MAPK14: variants seen among roughly 807,000 people sequenced by gnomAD.
The protein encoded by MAPK14 is CSAID-binding protein.
A neutral mutation model predicts 49.6 loss-of-function variants in MAPK14; 16 were observed. The ratio of observed to expected loss-of-function variants is 0.32; its 90% CI spans 0.22 to 0.49. The LOEUF is 0.49. Ranked by LOEUF, MAPK14 falls within the 20% of genes least tolerant of loss-of-function variation. The pLI, the probability that MAPK14 is intolerant of heterozygous loss-of-function variation, is 0.99. For missense variants in MAPK14, 200 were observed against 441.2 expected, an observed-to-expected ratio of 0.45 and a Z score of 4.90; for synonymous variants, 142 against 158.0, an observed-to-expected ratio of 0.90 and a Z score of 0.76.
chr6:36,102,737 C>A, intron 10 of MAPK14, 88 bp downstream of exon 10: 4 of 1,588,506 alleles, frequency 2.5e-6, no homozygotes, highest in South Asian at 2.3e-5. Flanking sequence ...TCCTTTTGAC[C>A]AAATAAAGTA....
At chr6:36,070,347 CTT>C (rs1237267936) in intron 3 of MAPK14, among the ~76,000 whole-genome samples, 1 of 152,172 alleles carries the variant, frequency 6.6e-6, no homozygotes, top group Non-Finnish European at 1.5e-5. Flanking sequence ...CATTACTACT[CTT>C]TTTGACCTTG....
intron 8 of MAPK14, among the ~76,000 whole-genome samples, 194 bp from the exon 9 acceptor site, chr6:36,095,793 A>G (rs1765422135): frequency 6.6e-6 from 1 of 151,886 alleles, no homozygotes. Flanking sequence ...ATCTTTGTAC[A>G]GGAGGAGCAT....
chr6:36,102,028 T>G (rs1423888416), intron 9 of MAPK14, among the ~76,000 whole-genome samples: 2 of 152,236 alleles, frequency 1.3e-5, no homozygotes, highest in Non-Finnish European at 2.9e-5. Flanking sequence ...GTTTGTTATC[T>G]CTAATCTTCA....
intron 8 of MAPK14, among the ~76,000 whole-genome samples, chr6:36,092,827 C>G (rs551904838): frequency 2.6e-5 from 4 of 152,204 alleles, no homozygotes; most frequent in Admixed American, 2.0e-4. Flanking sequence ...CTCATCTTTT[C>G]AAGTCAACTA....
intron 1 of MAPK14, among the ~76,000 whole-genome samples, chr6:36,047,717 G>A (rs534097772): frequency 6.6e-6 from 1 of 151,376 alleles, no homozygotes; most frequent in South Asian, 2.1e-4. Context: ...AGCTGGGCAT[G>A]GTGGCCCATG....
the MAPK14 span, among the ~76,000 whole-genome samples, chr6:36,123,635 T>TGCCAGGGGGCTCAGC: frequency 4.6e-5 from 7 of 152,210 alleles, no homozygotes; most frequent in Non-Finnish European, 8.8e-5. Flanking sequence ...CCAGGCACAG[T>TGCCAGGGGGCTCAGC]GCCAGGGGGC....
intron 9 of MAPK14, among the ~76,000 whole-genome samples, chr6:36,101,801 C>T (rs1253408739): frequency 1.3e-5 from 2 of 152,178 alleles, no homozygotes; most frequent in African/African-American, 2.4e-5. Flanking sequence ...CGTGAGTCAC[C>T]GTGCCTGGGC....
chr6:36,098,089 G>T (rs1444570043), intron 9 of MAPK14: 2 of 151,880 alleles, frequency 1.3e-5, no homozygotes, highest in African/African-American at 4.8e-5. Flanking sequence ...GAGTAAAATT[G>T]TTCAGAGATT....
At chr6:36,043,287 G>A (rs1312992578) in intron 1 of MAPK14, among the ~76,000 whole-genome samples, 1 of 152,156 alleles carries the variant, frequency 6.6e-6, no homozygotes, top group Non-Finnish European at 1.5e-5. Context: ...TAAATTTTGA[G>A]TTTTTAAAGT....
At position 36,028,113 on chromosome 6, in the gene MAPK14, G is replaced by A. The variant is rs1581714941; in HGVS notation, c.-45G>A. On this transcript the variant is annotated 5_prime_UTR_variant, in exon 1 of 12. Transcript: ENST00000229794. The surrounding 1 kb of genome is among the most constrained non-coding windows in gnomAD (Gnocchi z 5.1). ...GGGGAGAGGGTGCGGGTGCAGGCGGGGGCCCCACAGGGCCACCTTCTTGCC... is the reference window on the plus strand; with the variant it reads ...GGGGAGAGGGTGCGGGTGCAGGCGGAGGCCCCACAGGGCCACCTTCTTGCC... 2.2e-6 allele frequency: 3 copies of A among 1,368,268 alleles called. No individual in the cohort carries two copies. The highest frequency in any genetic ancestry group is 3.1e-6 in the Non-Finnish European group (3 of 971,786). The allele number at this position is 1,368,268 out of a possible 1,614,324, so 84.8% of individuals were successfully genotyped here.
intron 3 of MAPK14, among the ~76,000 whole-genome samples, chr6:36,072,356 G>A (rs951029644): frequency 2.6e-5 from 4 of 152,006 alleles, no homozygotes; most frequent in East Asian, 1.9e-4. Flanking sequence ...AAAGAATAGC[G>A]ATGTTGAAAA....
At chr6:36,106,954 TG>T (rs1350798869) in intron 10 of MAPK14, among the ~76,000 whole-genome samples, 2 of 151,906 alleles carry the variant, frequency 1.3e-5, no homozygotes, top group Non-Finnish European at 2.9e-5. Context: ...TTACTTCAGC[TG>T]TAGGCTTTGT....
chr6:36,041,348 A>G (rs998232914), intron 1 of MAPK14, among the ~76,000 whole-genome samples: 25 of 150,286 alleles, frequency 1.7e-4, no homozygotes, highest in African/African-American at 5.9e-4. Flanking sequence ...TCCATGATCC[A>G]TTCTTAAATT....
intron 3 of MAPK14, among the ~76,000 whole-genome samples, chr6:36,062,257 T>G (rs113851863): frequency 2.0e-4 from 31 of 152,314 alleles, no homozygotes; most frequent in African/African-American, 7.2e-4. Context: ...ATTACAGACA[T>G]GAGCCGCCAC....
intron 8 of MAPK14, among the ~76,000 whole-genome samples, chr6:36,091,507 G>A (rs1765227943): frequency 6.8e-6 from 1 of 147,940 alleles, no homozygotes. Context: ...ATAACTGATT[G>A]TCATGATGTG....
chr6:36,103,163 C>G (rs1562153885), intron 10 of MAPK14, among the ~76,000 whole-genome samples: 1 of 152,072 alleles, frequency 6.6e-6, no homozygotes, highest in Non-Finnish European at 1.5e-5. Flanking sequence ...TTTCTCTGCC[C>G]TCAGAGGCAT....
chr6:36,036,351 T>A lies in MAPK14; in HGVS notation c.116+8078T>A, dbSNP rs545597136. Among the ~76,000 whole-genome samples, 15 of 152,062 alleles carry A rather than the reference T, an allele frequency of 9.9e-5. No homozygotes were observed. In the South Asian group the frequency reaches 1.9e-3, roughly 19 times the overall value. On this transcript the variant is annotated intron_variant, in intron 1 of 11. Coordinates refer to ENST00000229794, the MANE Select transcript of MAPK14 (RefSeq NM_139012.3). Reference sequence around the variant, plus strand: ...AGGTGGAATCTGCTGTTGGGGAAGATGCTTATGAACATTGTTGAAATGACA... The same window carrying A: ...AGGTGGAATCTGCTGTTGGGGAAGAAGCTTATGAACATTGTTGAAATGACA...
intron 1 of MAPK14, among the ~76,000 whole-genome samples, chr6:36,042,537 T>C (rs1325990842): frequency 7.1e-6 from 1 of 141,682 alleles, no homozygotes; most frequent in African/African-American, 2.6e-5. Flanking sequence ...GTCACCTGGG[T>C]GGAAGTGTAG....
intron 6 of MAPK14, among the ~76,000 whole-genome samples, chr6:36,075,525 G>A (rs908674249): frequency 1.3e-5 from 2 of 152,130 alleles, no homozygotes; most frequent in Non-Finnish European, 2.9e-5. Flanking sequence ...ACCTGCTGAT[G>A]GACATTTGCT....
Sources: allele counts gnomAD v4.1 joint callset (sites outside exome capture counted in the v4.1 genomes callset), GRCh38; gene constraint gnomAD v4.1.1; non-coding constraint Gnocchi (gnomAD v3.1); transcripts MANE v1.5; gene names NCBI Gene and HGNC (gene_info 2026-07-23, HGNC 2026-07-21).